Variants in BAIAP2L1 observed in about 807,000 individuals in gnomAD.
BAIAP2L1 encodes BAR/IMD domain-containing adapter protein 2-like 1.
In BAIAP2L1, 35 loss-of-function variants were observed where a neutral mutation model predicts 66.3. The observed-to-expected ratio is 0.53, with a 90% CI of 0.40 to 0.70. BAIAP2L1 has a LOEUF of 0.70. Among genes scored for constraint, BAIAP2L1 ranks in the 30% least tolerant of loss-of-function variants. The pLI, the probability that BAIAP2L1 is intolerant of heterozygous loss-of-function variation, is 0.00. For synonymous variants in BAIAP2L1, 269 were observed against 248.7 expected (o/e 1.08, Z -0.77); for missense variants, 622 against 656.9 (o/e 0.95, Z 0.58).
chr7:98,399,788 A>G (rs1300649782), intron 1 of BAIAP2L1, among the ~76,000 whole-genome samples: 1 of 152,212 alleles, frequency 6.6e-6, no homozygotes, highest in Middle Eastern at 3.2e-3. Flanking sequence ...CTCCTAATAC[A>G]TGCAAGTTAA....
intron 3 of BAIAP2L1, among the ~76,000 whole-genome samples, chr7:98,338,373 G>GATTGCGCC (rs146844005): frequency 0.25 from 37,685 of 149,736 alleles, 4,947 homozygotes; most frequent in East Asian, 0.45. Flanking sequence ...AGTGAGCCGA[G>GATTGCGCC]ATTGCGCCAC....
intron 12 of BAIAP2L1, among the ~76,000 whole-genome samples, chr7:98,296,646 C>G (rs1305248203): frequency 6.6e-6 from 1 of 152,040 alleles, no homozygotes; most frequent in East Asian, 1.9e-4. Context: ...AAACAAAAAA[C>G]CAACAAAACA....
At chr7:98,385,981 G>C in intron 1 of BAIAP2L1, 1 of 1,498,174 alleles carries the variant, frequency 6.7e-7, no homozygotes, top group South Asian at 1.1e-5. Context: ...AGGATAAATA[G>C]ACTGGCAAGC....
rs112997351 is a variant in BAIAP2L1, at chr7:98,306,375, T to C, written c.1241+64A>G. 4.5e-3 allele frequency: 7,085 copies of C among 1,576,892 alleles called. 279 individuals are homozygous for C. The African/African-American group carries it at 0.084, about 19-fold the overall frequency. Reference sequence around the variant, plus strand: ...CCTGCGACACAGCTAGATGGTGGTGTGTTACAGAAACGACAAGGCAGGGGT... The same window carrying C: ...CCTGCGACACAGCTAGATGGTGGTGCGTTACAGAAACGACAAGGCAGGGGT... On this transcript the variant is annotated intron_variant, in intron 11 of 13. Transcript: ENST00000005260.
chr7:98,353,403 A>T (rs1033269561), intron 3 of BAIAP2L1, among the ~76,000 whole-genome samples: 1 of 136,858 alleles, frequency 7.3e-6, no homozygotes, highest in African/African-American at 2.7e-5. Flanking sequence ...AAATATACAT[A>T]ATATATATAT....
intron 1 of BAIAP2L1, among the ~76,000 whole-genome samples, chr7:98,396,411 T>C (rs1034154626): frequency 6.6e-6 from 1 of 152,144 alleles, no homozygotes; most frequent in African/African-American, 2.4e-5. Flanking sequence ...CCAATGATGA[T>C]GAATTAACAG....
At chr7:98,343,607 A>G (rs1338837468) in intron 3 of BAIAP2L1, among the ~76,000 whole-genome samples, 1 of 152,188 alleles carries the variant, frequency 6.6e-6, no homozygotes, top group African/African-American at 2.4e-5. Context: ...TGTGGTTGTT[A>G]GGATTATGTC....
At chr7:98,313,365 A>C (rs1158580900) in intron 7 of BAIAP2L1, among the ~76,000 whole-genome samples, 3 of 152,110 alleles carry the variant, frequency 2.0e-5, no homozygotes, top group Non-Finnish European at 4.4e-5. Context: ...GTTAAGTCTA[A>C]GAAAGACTCT....
chr7:98,323,315 G>C (rs745518927), intron 3 of BAIAP2L1: 11 of 151,958 alleles, frequency 7.2e-5, no homozygotes, highest in Non-Finnish European at 1.5e-4. Context: ...TTCCTCATTG[G>C]GGATGAAATA....
At position 98,315,610 on chromosome 7, in the gene BAIAP2L1, A is replaced by G. The variant is rs763062013; in HGVS notation, c.489T>C (p.Tyr163=). The stretch of plus-strand genomic sequence containing the variant: ...TCTGACGAGAAGTAACGGTCTCCAC[A>G]TACTAAAAAAAAAAAAATAATAATA... ...ALKYEHKEIE[Y]VETVTSRQSE... Residue 163 remains tyrosine (Y), a splice_region_variant and synonymous_variant, in exon 7 of 14, where the codon TAT becomes TAC. Transcript: ENST00000005260. 1.7e-5 allele frequency: 23 copies of G among 1,323,998 alleles called. No individual in the cohort carries two copies. Among genetic ancestry groups the G allele is most frequent in the Non-Finnish European group, 2.3e-5 (23 of 1,016,950 alleles). 82.0% of individuals were successfully genotyped at this position (1,323,998 alleles called of 1,614,324 possible).
At chr7:98,359,745 GTT>G (rs780836343) in intron 2 of BAIAP2L1, among the ~76,000 whole-genome samples, 32 of 109,052 alleles carry the variant, frequency 2.9e-4, no homozygotes, top group Non-Finnish European at 3.8e-4. Flanking sequence ...GTAGACCTGG[GTT>G]TTTTTTTTTT....
At chr7:98,300,838 T>G (rs1333400027) in intron 12 of BAIAP2L1, among the ~76,000 whole-genome samples, 1 of 152,180 alleles carries the variant, frequency 6.6e-6, no homozygotes, top group Non-Finnish European at 1.5e-5. Context: ...CCCCAGCTCT[T>G]GAGCCCCCCA....
rs780818633 is a variant in BAIAP2L1 at position 98,315,622 on chromosome 7, A to AT, written c.487-11_487-10insA. 1.6e-5 allele frequency: 17 copies of AT among 1,072,798 alleles called. No individual in the cohort carries two copies. The highest frequency in any genetic ancestry group is 4.6e-5 in the Admixed American group (1 of 21,698). The allele number at this position is 1,072,798 out of a possible 1,614,324, so 66.5% of individuals were successfully genotyped here. On this transcript the variant is annotated splice_polypyrimidine_tract_variant and intron_variant, in intron 6 of 13. Transcript: ENST00000005260. Reference sequence around the variant, plus strand: ...TAACGGTCTCCACATACTAAAAAAAAAAAAATAATAATAATAATAATTATA... The same window carrying AT: ...TAACGGTCTCCACATACTAAAAAAAATAAAAATAATAATAATAATAATTATA...
chr7:98,335,028 C>A (rs1390272999), intron 3 of BAIAP2L1, among the ~76,000 whole-genome samples: 1 of 150,466 alleles, frequency 6.6e-6, no homozygotes, highest in Non-Finnish European at 1.5e-5. Flanking sequence ...TGGCGGGTGC[C>A]TGTAGTCTCA....
intron 7 of BAIAP2L1, among the ~76,000 whole-genome samples, chr7:98,313,255 GA>G (rs961625454): frequency 1.3e-5 from 2 of 152,004 alleles, no homozygotes; most frequent in African/African-American, 4.8e-5. Flanking sequence ...TGAATTAAGG[GA>G]AGCCACAAAA....
intron 3 of BAIAP2L1, among the ~76,000 whole-genome samples, chr7:98,324,002 A>G (rs1040335518): frequency 1.3e-5 from 2 of 151,998 alleles, no homozygotes; most frequent in African/African-American, 4.8e-5. Context: ...ACTTTTTCAG[A>G]AATTACATTT....
chr7:98,393,021 A>ATGTGTGTGT, intron 1 of BAIAP2L1, among the ~76,000 whole-genome samples: 1 of 134,814 alleles, frequency 7.4e-6, no homozygotes, highest in Non-Finnish European at 1.6e-5. Flanking sequence ...ATATATATAC[A>ATGTGTGTGT]TACACACATA....
intron 1 of BAIAP2L1, among the ~76,000 whole-genome samples, chr7:98,374,346 G>A (rs1027927984): frequency 6.6e-6 from 1 of 152,148 alleles, no homozygotes; most frequent in Admixed American, 6.5e-5. Flanking sequence ...CATTTTACAT[G>A]GATTGTCTCA....
intron 1 of BAIAP2L1, among the ~76,000 whole-genome samples, chr7:98,381,928 GT>G (rs35903783): frequency 1.6e-4 from 23 of 139,440 alleles, no homozygotes; most frequent in East Asian, 4.2e-4. Flanking sequence ...AAATCTAAGG[GT>G]TTTTTTTTTT....
Sources: allele counts gnomAD v4.1 joint callset (sites outside exome capture counted in the v4.1 genomes callset), GRCh38; gene constraint gnomAD v4.1.1; transcripts MANE v1.5; gene names NCBI Gene and HGNC (gene_info 2026-07-23, HGNC 2026-07-21).